DLC1: variants seen among roughly 807,000 people sequenced by gnomAD.
DLC1 encodes DLC1 Rho GTPase activating protein.
In DLC1, 54 loss-of-function variants were observed where a neutral mutation model predicts 140.3. The observed-to-expected ratio is 0.38, with a 90% confidence interval of 0.31 to 0.48. The LOEUF is 0.48. Ranked by LOEUF, DLC1 falls within the 20% of genes least tolerant of loss-of-function variation. DLC1 has a pLI of 0.96. For missense variants in DLC1, 2,536 were observed against 1,907.0 expected (o/e 1.33, Z -6.14); for synonymous variants, 986 against 728.1 (o/e 1.35, Z -5.70).
chr8:13,142,642 CTT>C (rs367691232), intron 5 of DLC1, among the ~76,000 whole-genome samples: 9 of 152,154 alleles, frequency 5.9e-5, no homozygotes, highest in African/African-American at 2.2e-4. Flanking sequence ...TCAAAAAAGA[CTT>C]TAAGTGGTAA....
At chr8:13,480,275 G>A (rs1481694) in intron 2 of DLC1, among the ~76,000 whole-genome samples, 119,119 of 152,120 alleles carry the variant, frequency 0.78, 47,694 homozygotes, top group Middle Eastern at 0.9. Flanking sequence ...ATATATGCAC[G>A]ACAATGTGAT....
intron 4 of DLC1, among the ~76,000 whole-genome samples, chr8:13,308,564 C>T (rs1354060617): frequency 1.3e-5 from 2 of 152,134 alleles, no homozygotes; most frequent in Non-Finnish European, 2.9e-5. Context: ...CTGACACTTG[C>T]TCTACCGTTA....
intron 4 of DLC1, among the ~76,000 whole-genome samples, chr8:13,365,049 C>G (rs1434727594): frequency 6.6e-6 from 1 of 152,186 alleles, no homozygotes; most frequent in Admixed American, 6.5e-5. Context: ...ACGTGTCTTG[C>G]TGTTCTAATA....
chr8:13,223,528 T>A (rs1417724334), intron 5 of DLC1, among the ~76,000 whole-genome samples: 1 of 152,172 alleles, frequency 6.6e-6, no homozygotes, highest in Admixed American at 6.6e-5. Context: ...TCATTAAATA[T>A]GGTAAAAAGA....
chr8:13,549,290 A>G (rs2117351093), intron 1 of DLC1, among the ~76,000 whole-genome samples: 1 of 152,238 alleles, frequency 6.6e-6, no homozygotes, highest in Non-Finnish European at 1.5e-5. Flanking sequence ...AAGTAAAACA[A>G]TTGTATGAAA....
chr8:13,592,864 C>G (rs1303840654), intron 1 of DLC1, among the ~76,000 whole-genome samples: 1 of 152,034 alleles, frequency 6.6e-6, no homozygotes, highest in African/African-American at 2.4e-5. Flanking sequence ...TGTTAGCGTC[C>G]CAATTATTCT....
At chr8:13,457,305 T>C (rs1034725606) in intron 2 of DLC1, among the ~76,000 whole-genome samples, 32 of 152,150 alleles carry the variant, frequency 2.1e-4, no homozygotes, top group African/African-American at 7.7e-4. Context: ...CTATATAGTA[T>C]AAAATATGCT....
In DLC1 at chr8:13,095,079, C is replaced by T; in HGVS notation, c.3327+7G>A. ...TGAGTACGTGGACCCGCAGGCAGCG[C>T]TCTCACCTGATCCAAACAATGGTTC... On this transcript the variant is annotated splice_region_variant and intron_variant, in intron 11 of 17. Coordinates refer to ENST00000276297, the MANE Select transcript of DLC1 (RefSeq NM_182643.3). 1.2e-6 allele frequency: 2 copies of T among 1,614,232 alleles called. No individual in the cohort carries two copies. Among genetic ancestry groups the T allele is most frequent in the South Asian group, 1.1e-5 (1 of 91,090 alleles).
intron 1 of DLC1, among the ~76,000 whole-genome samples, chr8:13,560,231 T>G (rs530244345): frequency 1.4e-3 from 206 of 152,294 alleles, no homozygotes; most frequent in African/African-American, 4.8e-3. Context: ...CATTGCCTAA[T>G]GCTTAAAAAC....
intron 5 of DLC1, among the ~76,000 whole-genome samples, chr8:13,245,677 A>C (rs1829734873): frequency 1.3e-5 from 2 of 151,962 alleles, no homozygotes. Flanking sequence ...AAACTTTTAA[A>C]ATTTTTTTAT....
intron 2 of DLC1, among the ~76,000 whole-genome samples, chr8:13,415,404 T>C (rs551940649): frequency 8.1e-5 from 12 of 147,874 alleles, no homozygotes; most frequent in African/African-American, 2.8e-4. Context: ...ATATTTAATT[T>C]TTTTTTTTTT....
chr8:13,561,067 C>A (rs138149048), intron 1 of DLC1, among the ~76,000 whole-genome samples: 1 of 151,488 alleles, frequency 6.6e-6, no homozygotes. Flanking sequence ...AACAGCTACA[C>A]GAAAGTCAAT....
intron 2 of DLC1, among the ~76,000 whole-genome samples, chr8:13,425,653 T>C (rs1432456207): frequency 1.1e-5 from 1 of 91,166 alleles, no homozygotes. Flanking sequence ...ATATCATTAT[T>C]ATACTGTGTC....
intron 2 of DLC1, among the ~76,000 whole-genome samples, chr8:13,464,590 C>A (rs1799835495): frequency 6.6e-6 from 1 of 151,784 alleles, no homozygotes; most frequent in Admixed American, 6.6e-5. Flanking sequence ...AATCCACCCC[C>A]CGCCACCATG....
At chr8:13,121,792 ATCC>A (rs1355217368) in intron 5 of DLC1, among the ~76,000 whole-genome samples, 10 of 152,046 alleles carry the variant, frequency 6.6e-5, no homozygotes, top group Non-Finnish European at 5.9e-5. Context: ...GGCTCAGGCA[ATCC>A]TCCTGCCTCG....
At chr8:13,513,250 C>A (rs192130441) in intron 1 of DLC1, among the ~76,000 whole-genome samples, 95 of 152,092 alleles carry the variant, frequency 6.2e-4, no homozygotes, top group Non-Finnish European at 1.2e-3. Context: ...TATGTTCTTT[C>A]CTTCTCTGAA....
At chr8:13,408,998 TA>T (rs1242306017) in intron 2 of DLC1, among the ~76,000 whole-genome samples, 6 of 152,080 alleles carry the variant, frequency 3.9e-5, no homozygotes, top group Non-Finnish European at 7.4e-5. Flanking sequence ...TCCTTTTTCA[TA>T]AAAATGTACC....
chr8:13,154,896 A>T lies in DLC1; in HGVS notation c.1349-39239T>A, dbSNP rs113269925. On this transcript the variant is annotated intron_variant, in intron 5 of 17. Transcript: ENST00000276297. ...GATAGGTAGATAAGGGAATCCTATT[A>T]TAGCAATCACTGTTTTTTATAAATT... Among the ~76,000 whole-genome samples, 1,106 of 152,160 alleles carry T rather than the reference A, an allele frequency of 7.3e-3. 11 individuals are homozygous for T. Among genetic ancestry groups the T allele is most frequent in the African/African-American group, 0.026 (1,059 of 41,406 alleles).
chr8:13,389,877 A>T (rs1167578161), intron 4 of DLC1, among the ~76,000 whole-genome samples: 1 of 152,186 alleles, frequency 6.6e-6, no homozygotes, highest in Non-Finnish European at 1.5e-5. Flanking sequence ...ATTACAGAGC[A>T]GAGGGTTAGT....
Sources: allele counts gnomAD v4.1 joint callset (sites outside exome capture counted in the v4.1 genomes callset), GRCh38; gene constraint gnomAD v4.1.1; transcripts MANE v1.5; gene names NCBI Gene and HGNC (gene_info 2026-07-23, HGNC 2026-07-21).